The following TANC1 variants were observed in gnomAD, a reference collection of about 807,000 sequenced individuals.
TANC1 encodes the protein protein TANC1.
Under a neutral mutation model 149.7 loss-of-function variants are expected in TANC1, and 77 were observed. The observed-to-expected ratio is 0.51, with a 90% CI of 0.43 to 0.62. The LOEUF (loss-of-function observed/expected upper bound fraction) is 0.62, where lower values mean the gene tolerates loss of function less well. TANC1 is among the 20% of genes least tolerant of loss of function. The pLI is 0.00. For synonymous variants in TANC1, 854 were observed against 925.0 expected, an observed-to-expected ratio of 0.92 and a Z score of 1.39; for missense variants, 1,985 against 2,321.8, an observed-to-expected ratio of 0.85 and a Z score of 2.98.
intron 3 of TANC1, among the ~76,000 whole-genome samples, chr2:159,068,460 A>G (rs1316573176): frequency 6.6e-6 from 1 of 152,194 alleles, no homozygotes; most frequent in Admixed American, 6.5e-5. Flanking sequence ...TCAGCTTTTC[A>G]TGTCCTTTAT....
At chr2:159,135,737 T>C (rs1361295207) in intron 4 of TANC1, among the ~76,000 whole-genome samples, 2 of 152,240 alleles carry the variant, frequency 1.3e-5, no homozygotes, top group African/African-American at 4.8e-5. Flanking sequence ...TTGTAATCCT[T>C]GCCTCCTGAC....
intron 2 of TANC1, among the ~76,000 whole-genome samples, chr2:159,063,182 A>G (rs1210900489): frequency 6.6e-6 from 1 of 152,088 alleles, no homozygotes; most frequent in African/African-American, 2.4e-5. Flanking sequence ...GAACCAGAAC[A>G]AGAAGTAGTT....
intron 25 of TANC1, 108 bp downstream of exon 25, chr2:159,228,073 T>A: frequency 2.4e-6 from 3 of 1,245,828 alleles, no homozygotes; most frequent in Non-Finnish European, 3.3e-6. Flanking sequence ...CCTGTCCAAT[T>A]TGCTTGCACA....
At chr2:159,017,972 T>C (rs1007314460) in intron 2 of TANC1, among the ~76,000 whole-genome samples, 5 of 152,216 alleles carry the variant, frequency 3.3e-5, no homozygotes, top group Non-Finnish European at 7.3e-5. Flanking sequence ...TGTTGATTTA[T>C]AGCCTGGTGG....
intron 2 of TANC1, among the ~76,000 whole-genome samples, chr2:159,019,653 G>GTTTTT (rs55746240): frequency 0.013 from 967 of 73,250 alleles, 175 homozygotes; most frequent in Non-Finnish European, 0.019. Flanking sequence ...CTTTCTTTCT[G>GTTTTT]TTTTTTTTTT....
intron 2 of TANC1, among the ~76,000 whole-genome samples, chr2:159,062,839 T>C (rs936607884): frequency 1.3e-4 from 19 of 151,010 alleles, no homozygotes; most frequent in Non-Finnish European, 2.5e-4. Flanking sequence ...CGGTGGTGGG[T>C]GCCTGTAGTC....
chr2:158,975,103 A>G (rs963515384), intron 1 of TANC1, among the ~76,000 whole-genome samples: 1 of 152,052 alleles, frequency 6.6e-6, no homozygotes, highest in African/African-American at 2.4e-5. Flanking sequence ...AATATAATGT[A>G]AATGCTAGAT....
chr2:158,978,873 A>G (rs1309139330), intron 1 of TANC1, among the ~76,000 whole-genome samples: 1 of 152,256 alleles, frequency 6.6e-6, no homozygotes, highest in South Asian at 2.1e-4. Flanking sequence ...CAGAATGTAT[A>G]TAAAGTGTTT....
chr2:159,048,239 A>G (rs2041216546), intron 2 of TANC1, among the ~76,000 whole-genome samples: 2 of 152,198 alleles, frequency 1.3e-5, no homozygotes, highest in Admixed American at 6.5e-5. Flanking sequence ...ATATCTGGCA[A>G]GTAGATTGGC....
chr2:158,969,106 G>A (rs972363895), intron 1 of TANC1, among the ~76,000 whole-genome samples: 4 of 152,206 alleles, frequency 2.6e-5, no homozygotes, highest in African/African-American at 9.6e-5. Context: ...GGAACGCTTG[G>A]GGCACGCTCG....
intron 1 of TANC1, among the ~76,000 whole-genome samples, chr2:158,991,115 A>G (rs1373803561): frequency 6.9e-6 from 1 of 145,852 alleles, no homozygotes; most frequent in Non-Finnish European, 1.5e-5. Context: ...AAAAAAAAAA[A>G]GTAGAAAAAA....
chr2:159,074,914 T>C (rs2043507548), intron 3 of TANC1, among the ~76,000 whole-genome samples: 1 of 152,130 alleles, frequency 6.6e-6, no homozygotes, highest in South Asian at 2.1e-4. Context: ...GTATCTCTTC[T>C]TATAAGAGCG....
chr2:158,998,067 TG>T (rs562794994), intron 1 of TANC1, among the ~76,000 whole-genome samples: 2 of 152,146 alleles, frequency 1.3e-5, no homozygotes, highest in Non-Finnish European at 2.9e-5. Context: ...GAGACCAACC[TG>T]TGCAACGTAG....
chr2:159,223,761 G>C (rs1198619082), intron 22 of TANC1, among the ~76,000 whole-genome samples: 1 of 152,080 alleles, frequency 6.6e-6, no homozygotes. Context: ...GATTATACTC[G>C]GGTCCATCCG....
At chr2:159,228,750 G>A (rs374383963) in intron 25 of TANC1, 46 bp from the exon 26 acceptor site, 88 of 1,396,320 alleles carry the variant, frequency 6.3e-5, no homozygotes, top group Middle Eastern at 1.8e-4. Flanking sequence ...TCCCACAATC[G>A]TGTGTCCAGG....
chr2:159,230,236 A>G lies in TANC1; in HGVS notation c.4810A>G (p.Ser1604Gly), dbSNP rs778304592. ...CGHFGDRLGP[S>G]QNVRLQCGEN... is the part of the protein sequence containing the mutation. Reference sequence around the variant, plus strand: ...CCACTTTGGGGATCGGCTGGGCCCCAGCCAGAATGTCCGCCTGCAGTGTGG... The same window carrying G: ...CCACTTTGGGGATCGGCTGGGCCCCGGCCAGAATGTCCGCCTGCAGTGTGG... Residue 1604 changes from serine to glycine, a missense_variant, in exon 27 of 27, where the codon AGC becomes GGC. Transcript: ENST00000263635. This position sits in a 1 kb window ranked among gnomAD's most constrained non-coding sequence, Gnocchi z 4.4. 1 of 1,613,906 alleles carries G rather than the reference A, an allele frequency of 6.2e-7. No homozygotes were observed. Among genetic ancestry groups the G allele is most frequent in the Non-Finnish European group, 8.5e-7 (1 of 1,180,034 alleles).
At chr2:159,077,371 A>G (rs1559214392) in intron 3 of TANC1, among the ~76,000 whole-genome samples, 2 of 152,218 alleles carry the variant, frequency 1.3e-5, no homozygotes, top group African/African-American at 2.4e-5. Context: ...AGTGTACACA[A>G]TTATAAAAAC....
intron 7 of TANC1, among the ~76,000 whole-genome samples, chr2:159,162,107 T>C (rs1468895510): frequency 2.6e-5 from 4 of 152,150 alleles, no homozygotes; most frequent in African/African-American, 7.2e-5. Context: ...TGCAAGGAAA[T>C]AGTTTTGTCT....
intron 7 of TANC1, among the ~76,000 whole-genome samples, chr2:159,152,722 A>G (rs1029642283): frequency 6.6e-6 from 1 of 152,126 alleles, no homozygotes; most frequent in African/African-American, 2.4e-5. Flanking sequence ...GGCCTCAAGA[A>G]TTCCTCCCAC....
Sources: allele counts gnomAD v4.1 joint callset (sites outside exome capture counted in the v4.1 genomes callset), GRCh38; gene constraint gnomAD v4.1.1; non-coding constraint Gnocchi (gnomAD v3.1); transcripts MANE v1.5; gene names NCBI Gene and HGNC (gene_info 2026-07-23, HGNC 2026-07-21).